The following WFS1 variants were observed in gnomAD, a reference collection of about 807,000 sequenced individuals.
WFS1 encodes wolframin.
A neutral mutation model predicts 68.5 loss-of-function variants in WFS1; 90 were observed. That is an observed-to-expected ratio of 1.31 (90% CI 1.11 to 1.56). The LOEUF is 1.56. Ranked by LOEUF, WFS1 falls within the 40% of genes most tolerant of loss-of-function variation. The pLI is 0.00. For missense variants in WFS1, 1,767 were observed against 1,232.6 expected (o/e 1.43, Z -6.49); for synonymous variants, 860 against 540.7 (o/e 1.59, Z -8.19).
intron 2 of WFS1, among the ~76,000 whole-genome samples, chr4:6,279,477 C>T (rs1730090776): frequency 2.0e-5 from 3 of 152,070 alleles, no homozygotes; most frequent in South Asian, 2.1e-4. Flanking sequence ...TTAAACATAC[C>T]GTGGAGCCTG....
In WFS1 at chr4:6,278,513, T is replaced by C. The variant is rs540518039; in HGVS notation, c.232+826T>C. ...GCTGTGTACACCAGCCTTTTCCATGTGCCTGCAGGACTCCTCATGGCAGTC... is the reference window on the plus strand; with the variant it reads ...GCTGTGTACACCAGCCTTTTCCATGCGCCTGCAGGACTCCTCATGGCAGTC... On this transcript the variant is annotated intron_variant, in intron 2 of 7. Coordinates refer to ENST00000226760, the MANE Select transcript of WFS1 (RefSeq NM_006005.3). Among the ~76,000 whole-genome samples the C allele has an allele frequency of 5.1e-4, 78 of 152,314 alleles. 1 individual carries two copies. Among genetic ancestry groups the C allele is most frequent in the African/African-American group, 1.8e-3 (76 of 41,574 alleles).
chr4:6,295,365 C>T (rs754392332), intron 7 of WFS1, among the ~76,000 whole-genome samples, 176 bp downstream of exon 7: 24 of 152,132 alleles, frequency 1.6e-4, no homozygotes, highest in Non-Finnish European at 3.1e-4. Flanking sequence ...GATGTGTCCT[C>T]GGGAGAGAGG....
intron 1 of WFS1, among the ~76,000 whole-genome samples, chr4:6,276,176 ACAGCAGCAGGTTCAAGGTCCAG>A (rs1729989046): frequency 6.6e-6 from 1 of 152,152 alleles, no homozygotes; most frequent in African/African-American, 2.4e-5. Flanking sequence ...ACAGCCTCAC[ACAGCAGCAGGTTCAAGGTCCAG>A]CAGTGCCAGG....
At chr4:6,291,139 G>C (rs1446836886) in intron 4 of WFS1, 58 bp from the exon 5 acceptor site, 2 of 1,589,028 alleles carry the variant, frequency 1.3e-6, no homozygotes, top group Non-Finnish European at 1.7e-6. Context: ...CAGGGTCAGA[G>C]TGGCACCGAA....
Position 6,301,660 on chromosome 4 carries a change from G to C in WFS1, c.1865G>C (p.Gly622Ala). The change falls in exon 8 of 8, where the codon GGG (glycine) becomes GCG (alanine). Residue 622 changes from glycine (G) to alanine (A), a missense_variant. Transcript: ENST00000226760. ...WWTKASFSVV[G>A]MVKSLTRSSM... ...ACCAAGGCCAGCTTCTCTGTGGTGG[G>C]GATGGTGAAGTCCCTGACGCGGAGC... 6.2e-7 allele frequency: 1 copy of C among 1,614,082 alleles called. No individual in the cohort carries two copies. Among genetic ancestry groups the C allele is most frequent in the Non-Finnish European group, 8.5e-7 (1 of 1,180,000 alleles).
rs1181023863 is a variant in WFS1 at position 6,301,593 on chromosome 4, A to G, written c.1798A>G (p.Thr600Ala). The G allele has an allele frequency of 6.2e-7, 1 of 1,614,060 alleles. No individual in the cohort carries two copies. Among genetic ancestry groups the G allele is most frequent in the South Asian group, 1.1e-5 (1 of 91,076 alleles). Residue 600 changes from threonine to alanine, a missense_variant, in exon 8 of 8, where the codon ACC becomes GCC. Physicochemically the swap from Thr to Ala is moderately conservative, Grantham distance 58 (BLOSUM62 0). Coordinates refer to ENST00000226760, the MANE Select transcript of WFS1 (RefSeq NM_006005.3). ...TSLELTKIAV[T>A]VAVCSVPLLL... ...TCTGGAGCTCACCAAGATCGCAGTC[A>G]CCGTGGCGGTCTGTAGTGTGCCCCT...
chr4:6,301,898 C>T lies in WFS1; in HGVS notation c.2103C>T (p.Thr701=), dbSNP rs113800346. 111 of 1,612,826 alleles carry T rather than the reference C, an allele frequency of 6.9e-5. No homozygotes were observed. The highest frequency in any genetic ancestry group is 3.3e-4 in the Middle Eastern group (2 of 6,062). ...TGGAGGGCCACAGGGTCACGTGGAC[C>T]GGCCGCTTCAAGTACGTCCGCGTGA... ...SHLEGHRVTW[T]GRFKYVRVTD... is the part of the protein sequence containing the mutation. Residue 701 remains threonine (T), a synonymous_variant, in exon 8 of 8, where the codon ACC becomes ACT. Coordinates refer to ENST00000226760, the MANE Select transcript of WFS1 (RefSeq NM_006005.3).
In WFS1 at chr4:6,295,131, A is replaced by G. The variant is rs762969114; in HGVS notation, c.803A>G (p.Asp268Gly). 6.2e-7 allele frequency: 1 copy of G among 1,613,198 alleles called. No homozygotes were observed. Among genetic ancestry groups the G allele is most frequent in the Non-Finnish European group, 8.5e-7 (1 of 1,180,030 alleles). Residue 268 changes from aspartate (D) to glycine (G), a missense_variant, in exon 7 of 8, where the codon GAC (aspartate) becomes GGC (glycine). Transcript: ENST00000226760. ...CCCAGCAGCCTGTTCCTGCAGGACG[A>G]CGAAGATGATGACGAGCTGGCGGGG... ...VIPSSLFLQDDEDDDELAGKS... is the reference protein window; with the variant it reads ...VIPSSLFLQDGEDDDELAGKS...
At chr4:6,286,466 C>T (rs73795943) in intron 2 of WFS1, among the ~76,000 whole-genome samples, 3 of 152,106 alleles carry the variant, frequency 2.0e-5, no homozygotes, top group African/African-American at 7.2e-5. Context: ...TCTCCAGAAT[C>T]GAAAGAAATA....
rs1396020735 is a variant in WFS1 at position 6,301,378 on chromosome 4, A to G, written c.1583A>G (p.Tyr528Cys). ...CAGCTGAGGAATTTCAAGGGCACCT[A>G]CTGCTACCTTGTGCCCTACCTGGTG... is the stretch of plus-strand genomic sequence containing the variant. ...MAQLRNFKGT[Y>C]CYLVPYLVCF... Residue 528 changes from tyrosine to cysteine, a missense_variant, in exon 8 of 8, where the codon TAC (tyrosine) becomes TGC (cysteine). By Grantham distance (194) the Tyr-to-Cys change is radical (BLOSUM62 -2). Transcript: ENST00000226760. 1.2e-6 allele frequency: 2 copies of G among 1,612,474 alleles called. No homozygotes were observed. Among genetic ancestry groups the G allele is most frequent in the Non-Finnish European group, 1.7e-6 (2 of 1,180,004 alleles).
At chr4:6,291,801 G>C in intron 5 of WFS1, 116 bp from the exon 6 acceptor site, 1 of 1,130,130 alleles carries the variant, frequency 8.8e-7, no homozygotes, top group Non-Finnish European at 1.3e-6. Flanking sequence ...TCCCCAGAAC[G>C]TAGGATGCCC....
At chr4:6,296,810 G>T (rs1199026084) in intron 7 of WFS1, among the ~76,000 whole-genome samples, 1 of 152,220 alleles carries the variant, frequency 6.6e-6, no homozygotes, top group South Asian at 2.1e-4. Flanking sequence ...GTGTTGTGTA[G>T]CATCTGAAAA....
intron 2 of WFS1, among the ~76,000 whole-genome samples, chr4:6,279,086 G>A (rs1730081294): frequency 6.6e-6 from 1 of 152,184 alleles, no homozygotes; most frequent in African/African-American, 2.4e-5. Flanking sequence ...TGGGGGCAGT[G>A]GGCATCCCGT....
At position 6,302,724 on chromosome 4, in the gene WFS1, A is replaced by G; in HGVS notation, c.*256A>G. ...ACCCTGAGCCTGACCTTTCTGAGTG[A>G]CATGGGTGTGCCAGGCTAGACTAGG... On this transcript the variant is annotated 3_prime_UTR_variant, in exon 8 of 8. Coordinates refer to ENST00000226760, the MANE Select transcript of WFS1 (RefSeq NM_006005.3). The G allele has an allele frequency of 3.4e-6, 2 of 594,340 alleles. No homozygotes were observed. Among genetic ancestry groups the G allele is most frequent in the Non-Finnish European group, 5.9e-6 (2 of 340,548 alleles). 36.8% of individuals were successfully genotyped at this position (594,340 alleles called of 1,614,324 possible).
At chr4:6,300,002 G>C (rs907128454) in intron 7 of WFS1, among the ~76,000 whole-genome samples, 2 of 151,994 alleles carry the variant, frequency 1.3e-5, no homozygotes, top group Non-Finnish European at 2.9e-5. Context: ...AGGTGGCCTG[G>C]CAGCTGCTTC....
At chr4:6,288,130 T>G (rs1730362859) in intron 3 of WFS1, among the ~76,000 whole-genome samples, 1 of 148,502 alleles carries the variant, frequency 6.7e-6, no homozygotes, top group Non-Finnish European at 1.5e-5. Flanking sequence ...GACAGGAAAA[T>G]CACTTGAACC....
intron 1 of WFS1, among the ~76,000 whole-genome samples, chr4:6,275,888 G>A (rs939189065): frequency 6.6e-6 from 1 of 152,176 alleles, no homozygotes; most frequent in Non-Finnish European, 1.5e-5. Context: ...TTCAGAGGTG[G>A]CCAGGGGACT....
Position 6,301,219 on chromosome 4 carries a change from C to T in WFS1, c.1424C>T (p.Pro475Leu), listed in dbSNP as rs769320727. 16 of 1,612,122 alleles carry T rather than the reference C, an allele frequency of 9.9e-6. No homozygotes were observed. The highest frequency in any genetic ancestry group is 1.4e-5 in the Non-Finnish European group (16 of 1,180,024). The change falls in exon 8 of 8, where the codon CCC becomes CTC. Residue 475 changes from proline (P) to leucine (L), a missense_variant. Physicochemically the swap from Pro to Leu is moderately conservative, Grantham distance 98 (BLOSUM62 -3). Transcript: ENST00000226760. ...AGLLSLLPSM[P>L]LNWPYLKVLG... Reference sequence around the variant, plus strand: ...CTGCTATCGCTGCTGCCCTCCATGCCCTTGAATTGGCCCTACCTGAAGGTC... The same window carrying T: ...CTGCTATCGCTGCTGCCCTCCATGCTCTTGAATTGGCCCTACCTGAAGGTC...
At chr4:6,295,794 C>T (rs1000317779) in intron 7 of WFS1, among the ~76,000 whole-genome samples, 1 of 152,222 alleles carries the variant, frequency 6.6e-6, no homozygotes, top group African/African-American at 2.4e-5. Context: ...CCCAGCAGTG[C>T]GGGCCCTACT....
Sources: gnomAD v4.1 joint callset for allele counts (sites outside exome capture counted in the v4.1 genomes callset) on GRCh38, gnomAD v4.1.1 for gene constraint, MANE v1.5 for transcripts, NCBI Gene and HGNC (gene_info 2026-07-23, HGNC 2026-07-21) for gene names.